The following GREB1L variants were observed in gnomAD, a reference collection of about 807,000 sequenced individuals.
GREB1L encodes GREB1 like retinoic acid receptor coactivator.
In GREB1L, 17 loss-of-function variants were observed where a neutral mutation model predicts 200.8. The ratio of observed to expected loss-of-function variants is 0.08; its 90% confidence interval spans 0.06 to 0.13. The LOEUF (loss-of-function observed/expected upper bound fraction) is 0.13. GREB1L is among the 10% of genes least tolerant of loss of function. GREB1L has a pLI of 1.00. For missense variants in GREB1L, 1,657 were observed against 2,367.7 expected, an observed-to-expected ratio of 0.70 and a Z score of 6.23; for synonymous variants, 789 against 893.0, an observed-to-expected ratio of 0.88 and a Z score of 2.08.
chr18:21,503,246 G>C (rs150050511), intron 23 of GREB1L, among the ~76,000 whole-genome samples: 1 of 151,544 alleles, frequency 6.6e-6, no homozygotes, highest in Non-Finnish European at 1.5e-5. Flanking sequence ...AGTTTCTGTC[G>C]TCCAGGCTGG....
At chr18:21,451,933 T>A (rs1047099512) in intron 13 of GREB1L, 150 bp from the exon 14 acceptor site, 6 of 658,770 alleles carry the variant, frequency 9.1e-6, no homozygotes, top group Admixed American at 2.8e-5. Flanking sequence ...ACCAGTATAC[T>A]ATAAAGATGG....
intron 1 of GREB1L, among the ~76,000 whole-genome samples, chr18:21,333,534 G>A (rs564238248): frequency 3.3e-5 from 5 of 152,032 alleles, no homozygotes; most frequent in African/African-American, 4.8e-5. Flanking sequence ...AATTAGCTGG[G>A]TGTGGTGGCA....
At chr18:21,289,430 T>C (rs571393262) in intron 1 of GREB1L, among the ~76,000 whole-genome samples, 1 of 151,820 alleles carries the variant, frequency 6.6e-6, no homozygotes. Flanking sequence ...TACCAGCTAC[T>C]TGGGAGGCTG....
chr18:21,244,778 G>T (rs1466522535), intron 1 of GREB1L, among the ~76,000 whole-genome samples: 1 of 152,134 alleles, frequency 6.6e-6, no homozygotes, highest in Non-Finnish European at 1.5e-5. Context: ...GCTGATAGAG[G>T]CCAAACACCG....
At chr18:21,287,354 T>C (rs1165198752) in intron 1 of GREB1L, among the ~76,000 whole-genome samples, 2 of 152,188 alleles carry the variant, frequency 1.3e-5, no homozygotes, top group Non-Finnish European at 2.9e-5. Flanking sequence ...AGGTCTTTTG[T>C]TAAAATGGAG....
intron 7 of GREB1L, among the ~76,000 whole-genome samples, chr18:21,413,626 A>G (rs1214100456): frequency 1.3e-5 from 2 of 152,136 alleles, no homozygotes; most frequent in African/African-American, 4.8e-5. Context: ...TTATTCCCCT[A>G]CTGCATTCCC....
intron 1 of GREB1L, among the ~76,000 whole-genome samples, chr18:21,359,322 C>T (rs142821396): frequency 0.01 from 1,574 of 152,144 alleles, 16 homozygotes; most frequent in Non-Finnish European, 0.014. Context: ...TGGTGGCAGG[C>T]GCCTGTAATC....
At chr18:21,515,003 A>C (rs756580322) in intron 28 of GREB1L, among the ~76,000 whole-genome samples, 23 of 152,184 alleles carry the variant, frequency 1.5e-4, no homozygotes, top group Non-Finnish European at 2.2e-4. Context: ...AGCCCCTCCC[A>C]GCTCAAACAC....
chr18:21,442,067 AC>A (rs1207485597), intron 10 of GREB1L, among the ~76,000 whole-genome samples: 3 of 152,224 alleles, frequency 2.0e-5, no homozygotes, highest in African/African-American at 7.2e-5. Context: ...ACTCAAGAGA[AC>A]CAAGAGGCCC....
chr18:21,286,932 C>A (rs1384979265), intron 1 of GREB1L, among the ~76,000 whole-genome samples: 1 of 152,236 alleles, frequency 6.6e-6, no homozygotes, highest in Non-Finnish European at 1.5e-5. Flanking sequence ...CAGGCGTGAG[C>A]CACTGCACTT....
intron 16 of GREB1L, 135 bp from the exon 17 acceptor site, chr18:21,477,029 T>G: frequency 1.8e-6 from 1 of 566,780 alleles, no homozygotes; most frequent in Non-Finnish European, 2.9e-6. Flanking sequence ...GTGTCAAATT[T>G]TAGTTGTTTC....
intron 32 of GREB1L, among the ~76,000 whole-genome samples, chr18:21,521,336 A>C (rs866806894): frequency 3.3e-5 from 5 of 151,632 alleles, no homozygotes; most frequent in Middle Eastern, 3.4e-3. Context: ...ACGCCATTGC[A>C]CTCCAGCCTG....
chr18:21,456,511 A>G (rs552009788), intron 15 of GREB1L, among the ~76,000 whole-genome samples: 1 of 152,280 alleles, frequency 6.6e-6, no homozygotes, highest in African/African-American at 2.4e-5. Context: ...CTCTTGTTCC[A>G]GAGGCCAAAT....
chr18:21,467,696 A>G (rs1339003656), intron 15 of GREB1L, among the ~76,000 whole-genome samples: 1 of 152,202 alleles, frequency 6.6e-6, no homozygotes, highest in Admixed American at 6.5e-5. Context: ...ATGATTAAAT[A>G]TAGAGTTACT....
chr18:21,328,012 C>T (rs1361089453), intron 1 of GREB1L, among the ~76,000 whole-genome samples: 2 of 152,214 alleles, frequency 1.3e-5, no homozygotes, highest in Non-Finnish European at 2.9e-5. Flanking sequence ...CAGCGCCCGG[C>T]CAACCCCAGC....
intron 7 of GREB1L, among the ~76,000 whole-genome samples, chr18:21,430,974 T>C (rs2033104213): frequency 6.7e-6 from 1 of 149,428 alleles, no homozygotes; most frequent in Non-Finnish European, 1.5e-5. Context: ...TTGTTGTATG[T>C]TGTGTTTAAT....
Position 21,373,458 on chromosome 18 carries a change from C to T in GREB1L, c.-10+7322C>T, listed in dbSNP as rs182736705. Among the ~76,000 whole-genome samples, 12 of 152,130 alleles carry T rather than the reference C, an allele frequency of 7.9e-5. No individual in the cohort carries two copies. The East Asian group carries it at 2.3e-3, about 30-fold the overall frequency. On this transcript the variant is annotated intron_variant, in intron 2 of 32. Transcript: ENST00000424526. Reference sequence around the variant, plus strand: ...ATGCGATTCTCCTGCCTCAGTCTCCCGAGTAGCTGGGATTATAGGCACCTA... The same window carrying T: ...ATGCGATTCTCCTGCCTCAGTCTCCTGAGTAGCTGGGATTATAGGCACCTA...
At chr18:21,511,605 G>A (rs2037240128) in intron 27 of GREB1L, among the ~76,000 whole-genome samples, 1 of 152,000 alleles carries the variant, frequency 6.6e-6, no homozygotes, top group Admixed American at 6.6e-5. Context: ...CTAAGGTAAG[G>A]GTCCAACTTC....
chr18:21,257,360 T>A (rs1326847532), intron 1 of GREB1L, among the ~76,000 whole-genome samples: 1 of 152,184 alleles, frequency 6.6e-6, no homozygotes, highest in African/African-American at 2.4e-5. Flanking sequence ...AAAAATAACC[T>A]TTCCCCCCCT....
Sources: allele counts gnomAD v4.1 joint callset (sites outside exome capture counted in the v4.1 genomes callset), GRCh38; gene constraint gnomAD v4.1.1; transcripts MANE v1.5; gene names NCBI Gene and HGNC (gene_info 2026-07-23, HGNC 2026-07-21).